The following SNRPN variants were observed in gnomAD, a reference collection of about 807,000 sequenced individuals.
SNRPN encodes the protein small nuclear ribonucleoprotein-associated protein N.
In SNRPN, 7 loss-of-function variants were observed where a neutral mutation model predicts 25.2. The ratio of observed to expected loss-of-function variants is 0.28; its 90% CI spans 0.16 to 0.52. SNRPN has a LOEUF of 0.52. SNRPN is among the 20% of genes least tolerant of loss of function. The probability of loss-of-function intolerance (pLI) is 0.96; values close to 1 mark genes in which losing one functional copy is unlikely to be tolerated. For synonymous variants in SNRPN, 124 were observed against 110.6 expected (o/e 1.12, Z -0.76); for missense variants, 196 against 322.5 (o/e 0.61, Z 3.00).
At position 24,955,017 on chromosome 15, in the gene SNRPN, A is replaced by T; in HGVS notation, c.-436A>T. 1 of 1,612,394 alleles carries T rather than the reference A, an allele frequency of 6.2e-7. No homozygotes were observed. Among genetic ancestry groups the T allele is most frequent in the Non-Finnish European group, 8.5e-7 (1 of 1,179,860 alleles). On this transcript the variant is annotated 5_prime_UTR_variant, in exon 1 of 10. Coordinates refer to ENST00000390687, the MANE Select transcript of SNRPN (RefSeq NM_003097.6). The stretch of plus-strand genomic sequence containing the variant: ...GTGGAGCGGCCGCCGGAGATGCCTG[A>T]CGCATCTGTCTGAGGAGCGGTCAGT...
chr15:24,882,326 G>A (rs1458943942), intron 1 of SNRPN, among the ~76,000 whole-genome samples: 1 of 151,746 alleles, frequency 6.6e-6, no homozygotes, highest in Non-Finnish European at 1.5e-5. Flanking sequence ...GGCTAAAAGG[G>A]AAGAAAAAAA....
At chr15:24,955,703 C>T (rs1338348223) in intron 1 of SNRPN, among the ~76,000 whole-genome samples, 4 of 143,906 alleles carry the variant, frequency 2.8e-5, no homozygotes, top group South Asian at 4.7e-4. Context: ...TTGGTGGTCG[C>T]GGCGCGGGGA....
chr15:24,885,608 TGC>T (rs2057116607), intron 1 of SNRPN, among the ~76,000 whole-genome samples: 1 of 152,186 alleles, frequency 6.6e-6, no homozygotes, highest in Non-Finnish European at 1.5e-5. Context: ...CCCACATCTC[TGC>T]AACATTGTAT....
At chr15:24,974,644 G>A (rs1168830833) in intron 4 of SNRPN, 188 bp downstream of exon 4, 6 of 662,128 alleles carry the variant, frequency 9.1e-6, no homozygotes, top group Non-Finnish European at 1.4e-5. Flanking sequence ...TTTTTCAGAC[G>A]GGGTCTTGCT....
intron 2 of SNRPN, among the ~76,000 whole-genome samples, chr15:24,841,337 G>A: frequency 6.6e-6 from 1 of 152,000 alleles, no homozygotes; most frequent in East Asian, 1.9e-4. Flanking sequence ...GGACATCAAT[G>A]CCTATAATGC....
At chr15:24,916,164 G>A (rs950945455) in intron 2 of SNRPN, among the ~76,000 whole-genome samples, 5 of 151,886 alleles carry the variant, frequency 3.3e-5, no homozygotes, top group East Asian at 3.9e-4. Flanking sequence ...GTTTCACTAC[G>A]TGGGCCGGGC....
rs145035747 is a variant in SNRPN, at chr15:24,833,280, G to A, written c.-579+3375G>A. Among the ~76,000 whole-genome samples, 252 of 151,924 alleles carry A rather than the reference G, an allele frequency of 1.7e-3. 6 individuals are homozygous for A. The East Asian group carries it at 0.041, about 25-fold the overall frequency. Reference sequence around the variant, plus strand: ...CTAACAGTAGATACTTGATTAGAATGGAACAGAATGTTTACCTGATTTTTA... The same window carrying A: ...CTAACAGTAGATACTTGATTAGAATAGAACAGAATGTTTACCTGATTTTTA... On this transcript the variant is annotated intron_variant, in intron 2 of 12. Coordinates refer to the SNRPN transcript ENST00000400100.
chr15:24,938,075 G>A (rs1324983693), intron 3 of SNRPN, among the ~76,000 whole-genome samples: 1 of 151,610 alleles, frequency 6.6e-6, no homozygotes, highest in Non-Finnish European at 1.5e-5. Context: ...CTATGAACAT[G>A]GGTGTGCAGA....
chr15:24,889,866 A>G (rs2057522256), intron 2 of SNRPN, among the ~76,000 whole-genome samples: 2 of 151,396 alleles, frequency 1.3e-5, no homozygotes, highest in African/African-American at 4.8e-5. Context: ...CCTGGCCAAC[A>G]TGGTGAAACC....
intron 2 of SNRPN, among the ~76,000 whole-genome samples, chr15:24,899,738 G>A (rs2058330950): frequency 6.6e-6 from 1 of 152,208 alleles, no homozygotes; most frequent in South Asian, 2.1e-4. Flanking sequence ...TTTCTGGAAA[G>A]TTCCACTGGT....
At chr15:24,920,779 A>G (rs938374329) in intron 3 of SNRPN, among the ~76,000 whole-genome samples, 2 of 149,662 alleles carry the variant, frequency 1.3e-5, no homozygotes, top group African/African-American at 4.9e-5. Flanking sequence ...CAATTCTTCC[A>G]GTGTTTTGTA....
At chr15:24,935,066 G>A (rs1230008244) in intron 3 of SNRPN, among the ~76,000 whole-genome samples, 6 of 152,094 alleles carry the variant, frequency 3.9e-5, no homozygotes, top group Admixed American at 3.3e-4. Context: ...GACCTCAGGA[G>A]TTCGAGACCA....
chr15:24,898,371 C>T lies in SNRPN; in HGVS notation c.-505+11782C>T, dbSNP rs147960547. On this transcript the variant is annotated intron_variant, in intron 2 of 11. Transcript: ENST00000400097. ...TTGGGAGGCCGAGGCAGGCGGATCA[C>T]GAGGTGAAGAGATCGAGACCATCCT... Among the ~76,000 whole-genome samples the T allele has an allele frequency of 3.7e-3, 567 of 152,192 alleles. 4 individuals carry two copies. Among genetic ancestry groups the T allele is most frequent in the African/African-American group, 0.013 (541 of 41,538 alleles).
rs2077298357 is a variant in SNRPN at position 24,978,325 on chromosome 15, G to C, written c.685+7G>C. ...CCTCCACCAGGCATTAGAGGTGAGTGGGAGCATAGGGGTTTGATGGTTCAG... is the reference window on the plus strand; with the variant it reads ...CCTCCACCAGGCATTAGAGGTGAGTCGGAGCATAGGGGTTTGATGGTTCAG... On this transcript the variant is annotated splice_region_variant and intron_variant, in intron 9 of 9. Transcript: ENST00000390687. The C allele has an allele frequency of 3.7e-6, 6 of 1,613,922 alleles. No homozygotes were observed. Among genetic ancestry groups the C allele is most frequent in the Non-Finnish European group, 5.1e-6 (6 of 1,179,978 alleles).
At chr15:24,881,028 T>A (rs1334888378) in intron 1 of SNRPN, among the ~76,000 whole-genome samples, 1 of 152,112 alleles carries the variant, frequency 6.6e-6, no homozygotes, top group Non-Finnish European at 1.5e-5. Flanking sequence ...ATTTGAATAA[T>A]GACGGTCCAT....
At chr15:24,973,047 C>T (rs1429161600) in intron 3 of SNRPN, among the ~76,000 whole-genome samples, 6 of 152,050 alleles carry the variant, frequency 3.9e-5, no homozygotes, top group African/African-American at 1.2e-4. Flanking sequence ...GCCACCACAC[C>T]CAGCTAATGT....
Position 24,977,896 on chromosome 15 carries a change from G to A in SNRPN, c.539G>A (p.Gly180Asp). The A allele has an allele frequency of 6.3e-7, 1 of 1,577,026 alleles. No homozygotes were observed. The highest frequency in any genetic ancestry group is 1.9e-5 in the Admixed American group (1 of 52,592). The part of the protein sequence containing the change: ...PGRGTPPPPV[G>D]RATPPPGIMA... The stretch of plus-strand genomic sequence containing the variant: ...CGGGGCACTCCGCCCCCACCCGTCG[G>A]CAGAGCAACCCCACCTCCAGGTAAG... Residue 180 changes from glycine to aspartate, a missense_variant, in exon 8 of 10, where the codon GGC becomes GAC. Gly to Asp is a moderately conservative substitution (Grantham distance 94). Transcript: ENST00000390687.
intron 3 of SNRPN, among the ~76,000 whole-genome samples, chr15:24,969,321 G>A (rs1207442624): frequency 6.6e-6 from 1 of 152,006 alleles, no homozygotes; most frequent in Non-Finnish European, 1.5e-5. Flanking sequence ...TAGAGACGGG[G>A]TTTCACCATG....
chr15:24,909,027 A>G, intron 2 of SNRPN: 1 of 1,427,206 alleles, frequency 7.0e-7, no homozygotes, highest in Non-Finnish European at 9.8e-7. Flanking sequence ...GGATGGTTCC[A>G]CCTCTTCTTT....
Sources: gnomAD v4.1 joint callset for allele counts (sites outside exome capture counted in the v4.1 genomes callset) on GRCh38, gnomAD v4.1.1 for gene constraint, MANE v1.5 for transcripts, NCBI Gene and HGNC (gene_info 2026-07-23, HGNC 2026-07-21) for gene names.